The following LRP6 variants were observed in gnomAD, a reference collection of about 807,000 sequenced individuals.
The protein encoded by LRP6 is low-density lipoprotein receptor-related protein 6.
A neutral mutation model predicts 184.1 loss-of-function variants in LRP6; 43 were observed. That is an observed-to-expected ratio of 0.23 (90% CI 0.18 to 0.30). LRP6 has a LOEUF of 0.30. Ranked by LOEUF, LRP6 falls within the 10% of genes least tolerant of loss-of-function variation. LRP6 has a pLI of 1.00. For synonymous variants in LRP6, 719 were observed against 684.9 expected, an observed-to-expected ratio of 1.05 and a Z score of -0.78; for missense variants, 1,571 against 2,005.3, an observed-to-expected ratio of 0.78 and a Z score of 4.14.
intron 19 of LRP6, among the ~76,000 whole-genome samples, chr12:12,129,757 G>A (rs1015924862): frequency 1.3e-4 from 20 of 151,990 alleles, no homozygotes; most frequent in African/African-American, 4.8e-4. Context: ...TTCACATGTT[G>A]GCCAGGCTGG....
At chr12:12,260,672 C>A (rs1865592457) in intron 1 of LRP6, among the ~76,000 whole-genome samples, 1 of 152,156 alleles carries the variant, frequency 6.6e-6, no homozygotes, top group Non-Finnish European at 1.5e-5. Flanking sequence ...TTCTACTACC[C>A]CTTTACAAAC....
At position 12,162,312 on chromosome 12, in the gene LRP6, G is replaced by T; in HGVS notation, c.2160C>A (p.Tyr720Ter). The change falls in exon 10 of 23, where the codon TAC becomes TAA. Residue 720 changes from tyrosine (Y) to a stop codon, truncating the protein, a stop_gained. Coordinates refer to ENST00000261349, the MANE Select transcript of LRP6 (RefSeq NM_002336.3). LOFTEE classifies it high-confidence loss of function. ...MAVDWLGKNL[Y>*]WADTGTNRIE... ...TTCGATTCGTTCCTGTGTCTGCCCA[G>T]TACAAGTTCTTCCCAAGCCAGTCTA... 6.2e-7 allele frequency: 1 copy of T among 1,614,146 alleles called. No individual in the cohort carries two copies. Among genetic ancestry groups the T allele is most frequent in the Non-Finnish European group, 8.5e-7 (1 of 1,180,032 alleles).
chr12:12,238,833 G>C (rs1386219970), intron 2 of LRP6, among the ~76,000 whole-genome samples: 2 of 152,092 alleles, frequency 1.3e-5, no homozygotes, highest in Non-Finnish European at 1.5e-5. Flanking sequence ...ATAAGAAATT[G>C]CTACACTGAG....
At chr12:12,152,478 G>A (rs1001232578) in intron 12 of LRP6, among the ~76,000 whole-genome samples, 1 of 151,894 alleles carries the variant, frequency 6.6e-6, no homozygotes, top group Admixed American at 6.6e-5. Flanking sequence ...GTAGAGACAG[G>A]GTTTCACCAT....
intron 7 of LRP6, 100 bp from the exon 8 acceptor site, chr12:12,165,395 C>G: frequency 7.2e-6 from 6 of 835,930 alleles, no homozygotes; most frequent in Non-Finnish European, 1.2e-5. Flanking sequence ...ATCCAAGAGT[C>G]ATCTTGGTAT....
At position 12,138,739 on chromosome 12, in the gene LRP6, G is replaced by A. The variant is rs1949884058; in HGVS notation, c.3398-205C>T. 48 of 1,466,578 alleles carry A rather than the reference G, an allele frequency of 3.3e-5. No individual in the cohort carries two copies. In the South Asian group the frequency reaches 5.9e-4, roughly 18 times the overall value. 90.8% of individuals were successfully genotyped at this position (1,466,578 alleles called of 1,614,324 possible). ...GATATTAATATGCAATCAAGAGCAAGTAAGTGCCCAATGTGCAGTAAATAT... is the reference window on the plus strand; with the variant it reads ...GATATTAATATGCAATCAAGAGCAAATAAGTGCCCAATGTGCAGTAAATAT... On this transcript the variant is annotated intron_variant, in intron 15 of 22. Transcript: ENST00000261349.
intron 3 of LRP6, chr12:12,187,394 G>A (rs529707584): frequency 1.1e-5 from 5 of 452,260 alleles, no homozygotes; most frequent in South Asian, 1.1e-4. Context: ...CAGAGAGAGA[G>A]CACTGCTTTT....
At chr12:12,144,078 T>C (rs560784735) in intron 15 of LRP6, among the ~76,000 whole-genome samples, 1 of 152,346 alleles carries the variant, frequency 6.6e-6, no homozygotes, top group African/African-American at 2.4e-5. Context: ...TCTTTTCATC[T>C]AAAGATACTA....
chr12:12,205,583 C>T (rs1864037106), intron 2 of LRP6, among the ~76,000 whole-genome samples: 1 of 152,142 alleles, frequency 6.6e-6, no homozygotes, highest in Non-Finnish European at 1.5e-5. Flanking sequence ...AGATACAAGG[C>T]ACTGTGCTAA....
intron 5 of LRP6, among the ~76,000 whole-genome samples, chr12:12,182,108 T>C (rs1314021012): frequency 2.0e-5 from 3 of 152,166 alleles, no homozygotes; most frequent in African/African-American, 7.2e-5. Flanking sequence ...TTAAGAGTTG[T>C]GGATCCAATA....
rs1339420861 is a variant in LRP6 at position 12,244,356 on chromosome 12, T to C, written c.355A>G (p.Ile119Val). 3.1e-6 allele frequency: 5 copies of C among 1,614,180 alleles called. No homozygotes were observed. The highest frequency in any genetic ancestry group is 2.5e-6 in the Non-Finnish European group (3 of 1,180,010). ...LYWTDSETNR[I>V]EVSNLDGSLR... ...GATCCATCTAAATTAGAAACTTCAATCCGATTAGTTTCAGAATCTGTCCAG... is the reference window on the plus strand; with the variant it reads ...GATCCATCTAAATTAGAAACTTCAACCCGATTAGTTTCAGAATCTGTCCAG... Residue 119 changes from isoleucine (I) to valine (V), a missense_variant, in exon 2 of 23, where the codon ATT (isoleucine) becomes GTT (valine). Transcript: ENST00000261349.
intron 19 of LRP6, among the ~76,000 whole-genome samples, chr12:12,127,220 C>T (rs1279561915): frequency 6.6e-6 from 1 of 152,130 alleles, no homozygotes; most frequent in Non-Finnish European, 1.5e-5. Flanking sequence ...CAGATTTAAA[C>T]ACCATTAAGA....
intron 1 of LRP6, among the ~76,000 whole-genome samples, chr12:12,248,469 C>G (rs1312016065): frequency 8.2e-6 from 1 of 121,566 alleles, no homozygotes; most frequent in Non-Finnish European, 1.7e-5. Context: ...TCAGTCTTTA[C>G]TCTTTTTTTT....
intron 2 of LRP6, among the ~76,000 whole-genome samples, chr12:12,225,250 G>A (rs1314653689): frequency 2.0e-5 from 3 of 152,062 alleles, no homozygotes; most frequent in Non-Finnish European, 4.4e-5. Context: ...CTTGGAAATC[G>A]TTACTCTATC....
chr12:12,203,306 A>C lies in LRP6; in HGVS notation c.544T>G (p.Tyr182Asp), dbSNP rs1221772562. The C allele has an allele frequency of 6.2e-7, 1 of 1,614,052 alleles. No individual in the cohort carries two copies. The stretch of plus-strand genomic sequence containing the variant: ...TCCAAAGTCAGTCCATTTGGCCAGT[A>C]AATTTCACTGTTTATTATAATGAAG... ...SRFIIINSEI[Y>D]WPNGLTLDYE... The change falls in exon 3 of 23, where the codon TAC (tyrosine) becomes GAC (aspartate). Residue 182 changes from tyrosine to aspartate, a missense_variant. Around this residue, in one of 4 missense-constraint regions of LRP6, gnomAD observed 640 missense variants for 851.9 expected, o/e 0.75. Transcript: ENST00000261349.
chr12:12,158,851 A>T lies in LRP6; in HGVS notation c.2769T>A (p.Asn923Lys), dbSNP rs201126262. 3.9e-5 allele frequency: 63 copies of T among 1,614,210 alleles called. No individual in the cohort carries two copies. In the African/African-American group the frequency reaches 6.9e-4, roughly 18 times the overall value. The stretch of plus-strand genomic sequence containing the variant: ...TACCACTACAAGTCCTGTTGTCAGC[A>T]TTAAGAGAGTAGTGGGCAGGGCATC... ...VCGCPAHYSLNADNRTCSAPT... is the reference protein window; with the variant it reads ...VCGCPAHYSLKADNRTCSAPT... The change falls in exon 12 of 23, where the codon AAT becomes AAA. Residue 923 changes from asparagine (N) to lysine (K), a missense_variant. By Grantham distance (94) the Asn-to-Lys change is moderately conservative. Coordinates refer to ENST00000261349, the MANE Select transcript of LRP6 (RefSeq NM_002336.3).
At chr12:12,161,954 T>TG (rs1555108895) in intron 10 of LRP6, among the ~76,000 whole-genome samples, 1 of 146,882 alleles carries the variant, frequency 6.8e-6, no homozygotes, top group Admixed American at 6.9e-5. Context: ...CAGTAACATT[T>TG]ATTAACCCAT....
At position 12,217,614 on chromosome 12, in the gene LRP6, C is replaced by CA. The variant is rs549825144; in HGVS notation, c.450-14215dup. The stretch of plus-strand genomic sequence containing the variant: ...CTTAGCTTTAAAAGCTATAGGGACT[C>CA]AGATTTCCCTATTGCTAAACATACT... On this transcript the variant is annotated intron_variant, in intron 2 of 22. Transcript: ENST00000261349. 9.9e-4 allele frequency among the ~76,000 whole-genome samples: 150 copies of CA among 152,240 alleles called. 3 individuals are homozygous for CA. The highest frequency in any genetic ancestry group is 3.4e-3 in the African/African-American group (141 of 41,548).
At chr12:12,204,351 T>C (rs1295600056) in intron 2 of LRP6, among the ~76,000 whole-genome samples, 1 of 149,568 alleles carries the variant, frequency 6.7e-6, no homozygotes, top group Non-Finnish European at 1.5e-5. Context: ...AGAGATATGA[T>C]AACTACATCA....
Sources: allele counts gnomAD v4.1 joint callset (sites outside exome capture counted in the v4.1 genomes callset), GRCh38; gene constraint gnomAD v4.1.1; regional missense constraint gnomAD v4.1.1; transcripts MANE v1.5; gene names NCBI Gene and HGNC (gene_info 2026-07-23, HGNC 2026-07-21).